The following STRN variants were observed in gnomAD, a reference collection of about 807,000 sequenced individuals.
STRN encodes the protein protein phosphatase 2 regulatory subunit B'''alpha.
Under a neutral mutation model 96.3 loss-of-function variants are expected in STRN, and 53 were observed. The observed-to-expected ratio is 0.55, with a 90% CI of 0.44 to 0.69. The LOEUF (loss-of-function observed/expected upper bound fraction) is 0.69. STRN is among the 30% of genes least tolerant of loss of function. The probability of loss-of-function intolerance (pLI) is 0.00; values close to 1 mark genes in which losing one functional copy is unlikely to be tolerated. For missense variants in STRN, 987 were observed against 963.9 expected, an observed-to-expected ratio of 1.02 and a Z score of -0.32; for synonymous variants, 428 against 355.9, an observed-to-expected ratio of 1.20 and a Z score of -2.28.
At chr2:36,856,304 C>G (rs536583579) in intron 14 of STRN, among the ~76,000 whole-genome samples, 1 of 152,056 alleles carries the variant, frequency 6.6e-6, no homozygotes, top group African/African-American at 2.4e-5. Context: ...CCTGAAAGCC[C>G]AGCAATTCTA....
At chr2:36,927,533 G>GA (rs900935512) in intron 1 of STRN, among the ~76,000 whole-genome samples, 1 of 144,314 alleles carries the variant, frequency 6.9e-6, no homozygotes, top group Admixed American at 7.0e-5. Flanking sequence ...AAGGGGGGGG[G>GA]GGGTGGTAAT....
intron 5 of STRN, among the ~76,000 whole-genome samples, chr2:36,900,187 T>C (rs1459857004): frequency 1.3e-5 from 2 of 152,150 alleles, no homozygotes; most frequent in Non-Finnish European, 1.5e-5. Context: ...GAGCCACTCG[T>C]ATCTATTTAG....
At chr2:36,886,867 A>T in intron 7 of STRN, 41 bp from the exon 8 acceptor site, 1 of 1,493,702 alleles carries the variant, frequency 6.7e-7, no homozygotes, top group Non-Finnish European at 9.3e-7. Context: ...TTTTCAATAA[A>T]ATATTGAACA....
rs115824433 is a variant in STRN, at chr2:36,907,190, T to G, written c.413-1572A>C. ...CAAACTCTAAAAAACTGCTGATCTT[T>G]ATAGGATCTTATTCAAGTGGAGATA... On this transcript the variant is annotated intron_variant, in intron 3 of 17. Transcript: ENST00000263918. 6.2e-3 allele frequency among the ~76,000 whole-genome samples: 941 copies of G among 152,354 alleles called. 7 individuals are homozygous for G. The highest frequency in any genetic ancestry group is 0.016 in the South Asian group (78 of 4,828).
chr2:36,870,779 A>T (rs2148151534), intron 10 of STRN, among the ~76,000 whole-genome samples: 1 of 152,270 alleles, frequency 6.6e-6, no homozygotes, highest in East Asian at 1.9e-4. Flanking sequence ...TTTAAAAGTT[A>T]ACTGTAAAAC....
intron 1 of STRN, among the ~76,000 whole-genome samples, chr2:36,957,744 C>CGTT (rs1664926494): frequency 1.1e-5 from 1 of 89,208 alleles, no homozygotes; most frequent in Non-Finnish European, 2.1e-5. Flanking sequence ...TTCTTTTTGT[C>CGTT]TTTTTTTTTT....
chr2:36,886,629 G>A, intron 8 of STRN, 87 bp downstream of exon 8: 2 of 1,022,798 alleles, frequency 2.0e-6, no homozygotes, highest in East Asian at 2.5e-5. Context: ...AAAAGAGTAA[G>A]TAGATTTAGG....
rs1553390174 is a variant in STRN at position 36,845,937 on chromosome 2, A to ACGCATG, written c.*3518_*3519insCATGCG. 1 of 102,814 alleles carries ACGCATG rather than the reference A, an allele frequency of 9.7e-6. No individual in the cohort carries two copies. Among genetic ancestry groups the ACGCATG allele is most frequent in the African/African-American group, 3.7e-5 (1 of 27,106 alleles). The allele number at this position is 102,814 out of a possible 1,614,324, so 6.4% of individuals were successfully genotyped here. On this transcript the variant is annotated 3_prime_UTR_variant, in exon 18 of 18. Transcript: ENST00000263918. ...CATGCACACACACACACACACACAC[A>ACGCATG]CACACACACACACACTAACTCTCTC...
chr2:36,865,603 C>A lies in STRN; in HGVS notation c.1547+2211G>T, dbSNP rs187959299. 4.6e-3 allele frequency among the ~76,000 whole-genome samples: 701 copies of A among 152,096 alleles called. 7 individuals carry two copies. Among genetic ancestry groups the A allele is most frequent in the African/African-American group, 0.015 (631 of 41,470 alleles). Reference sequence around the variant, plus strand: ...TTGAGATGGAATCTCACTCTGTCGCCCAGGTTGGAGTGCAGTGGTGGCATA... The same window carrying A: ...TTGAGATGGAATCTCACTCTGTCGCACAGGTTGGAGTGCAGTGGTGGCATA... On this transcript the variant is annotated intron_variant, in intron 12 of 17. Coordinates refer to ENST00000263918, the MANE Select transcript of STRN (RefSeq NM_003162.4).
chr2:36,942,561 T>C (rs1670872000), intron 1 of STRN, among the ~76,000 whole-genome samples: 1 of 152,212 alleles, frequency 6.6e-6, no homozygotes, highest in Non-Finnish European at 1.5e-5. Flanking sequence ...GAGAGACTAC[T>C]ATAAGCGGGA....
At chr2:36,939,426 T>A (rs1271097609) in intron 1 of STRN, among the ~76,000 whole-genome samples, 1 of 152,228 alleles carries the variant, frequency 6.6e-6, no homozygotes, top group African/African-American at 2.4e-5. Context: ...AGCACTTTCA[T>A]ATACCTATCT....
intron 5 of STRN, 62 bp from the exon 6 acceptor site, chr2:36,899,720 C>A: frequency 2.1e-6 from 3 of 1,419,952 alleles, no homozygotes; most frequent in South Asian, 1.4e-5. Context: ...AAGAAGTAAC[C>A]CATGATATGT....
Position 36,869,555 on chromosome 2 carries a change from T to C in STRN, c.1498A>G (p.Lys500Glu). The change falls in exon 11 of 18, where the codon AAG becomes GAG. Residue 500 changes from lysine to glutamate, a missense_variant and splice_region_variant. By Grantham distance (56) the Lys-to-Glu change is moderately conservative. Coordinates refer to ENST00000263918, the MANE Select transcript of STRN (RefSeq NM_003162.4). ...AATGTTAAAGTAGAATATTCTCACT[T>C]TTTGGCTGGGGCTGTTTTCTGTAAA... The part of the protein sequence containing the change: ...WNLQKTAPAK[K>E]STSLDVEPIY... The C allele has an allele frequency of 6.5e-7, 1 of 1,532,194 alleles. No individual in the cohort carries two copies. The highest frequency in any genetic ancestry group is 8.8e-7 in the Non-Finnish European group (1 of 1,136,262). 94.9% of individuals were successfully genotyped at this position (1,532,194 alleles called of 1,614,324 possible). A position where few individuals can be genotyped will look rare whatever the true frequency, so the allele number is the denominator to read the frequency against.
Position 36,849,281 on chromosome 2 carries a change from C to A in STRN, c.*175G>T. Reference sequence around the variant, plus strand: ...CTGAGCTTGCAGCAACCTGAACAAACCTTAGTTTTAGAAAACAGTATATGA... The same window carrying A: ...CTGAGCTTGCAGCAACCTGAACAAAACTTAGTTTTAGAAAACAGTATATGA... On this transcript the variant is annotated 3_prime_UTR_variant, in exon 18 of 18. Coordinates refer to ENST00000263918, the MANE Select transcript of STRN (RefSeq NM_003162.4). The A allele has an allele frequency of 1.3e-6, 1 of 741,022 alleles. No homozygotes were observed. Among genetic ancestry groups the A allele is most frequent in the Non-Finnish European group, 2.1e-6 (1 of 476,502 alleles). 45.9% of individuals were successfully genotyped at this position (741,022 alleles called of 1,614,324 possible). A position where few individuals can be genotyped will look rare whatever the true frequency, so the allele number is the denominator to read the frequency against.
chr2:36,909,468 C>T (rs1394165519), intron 3 of STRN, among the ~76,000 whole-genome samples: 4 of 151,970 alleles, frequency 2.6e-5, no homozygotes, highest in Non-Finnish European at 4.4e-5. Context: ...AGACGATAAA[C>T]AATGGTTTTC....
intron 12 of STRN, among the ~76,000 whole-genome samples, chr2:36,864,990 C>A (rs1359494882): frequency 6.6e-6 from 1 of 152,254 alleles, no homozygotes; most frequent in African/African-American, 2.4e-5. Context: ...GCTGGGATTA[C>A]AGGCGTGAGC....
intron 15 of STRN, among the ~76,000 whole-genome samples, chr2:36,854,494 G>C (rs1039276582): frequency 1.3e-5 from 2 of 152,180 alleles, no homozygotes; most frequent in East Asian, 1.9e-4. Flanking sequence ...GAGAGAGAGA[G>C]AGACAGAGAG....
intron 14 of STRN, 98 bp downstream of exon 14, chr2:36,857,758 A>T: frequency 9.7e-7 from 1 of 1,025,872 alleles, no homozygotes; most frequent in Non-Finnish European, 1.4e-6. Context: ...CTTTCAAATT[A>T]AATTTAAAGA....
At chr2:36,852,932 G>A (rs531323975) in intron 15 of STRN, among the ~76,000 whole-genome samples, 43 of 152,214 alleles carry the variant, frequency 2.8e-4, no homozygotes, top group Middle Eastern at 3.4e-3. Context: ...CGAGGCAGGC[G>A]GATCACTTGA....
Sources: gnomAD v4.1 joint callset for allele counts (sites outside exome capture counted in the v4.1 genomes callset) on GRCh38, gnomAD v4.1.1 for gene constraint, MANE v1.5 for transcripts, NCBI Gene and HGNC (gene_info 2026-07-23, HGNC 2026-07-21) for gene names.